B4GALT6: variants seen among roughly 807,000 people sequenced by gnomAD.
B4GALT6 encodes UDP-Gal:beta-GlcNAc beta-1,4-galactosyltransferase 6.
A neutral mutation model predicts 46.3 loss-of-function variants in B4GALT6; 14 were observed. That is an observed-to-expected ratio of 0.30 (90% CI 0.20 to 0.47). The LOEUF (loss-of-function observed/expected upper bound fraction) is 0.47. B4GALT6 is among the 20% of genes least tolerant of loss of function. The pLI is 0.99. For synonymous variants in B4GALT6, 168 were observed against 162.0 expected (o/e 1.04, Z -0.28); for missense variants, 386 against 480.1 (o/e 0.80, Z 1.83).
chr18:31,683,760 T>C (rs1159035522), intron 1 of B4GALT6, among the ~76,000 whole-genome samples: 1 of 152,108 alleles, frequency 6.6e-6, no homozygotes, highest in Admixed American at 6.5e-5. Flanking sequence ...GGAGCATTGT[T>C]TTTACAAGAC....
rs577028925 is a variant in B4GALT6, at chr18:31,626,070, T to C, written c.1001+213A>G. 7.2e-5 allele frequency among the ~76,000 whole-genome samples: 11 copies of C among 151,922 alleles called. No homozygotes were observed. In the South Asian group the frequency reaches 2.3e-3, roughly 31 times the overall value. The stretch of plus-strand genomic sequence containing the variant: ...TTAACCGGGCTCTTTAACGTAAATA[T>C]GTGTATTTATTAATGTATATATACG... On this transcript the variant is annotated intron_variant, in intron 8 of 8. Transcript: ENST00000306851.
At chr18:31,660,894 AG>A (rs1423488373) in intron 2 of B4GALT6, among the ~76,000 whole-genome samples, 2 of 152,202 alleles carry the variant, frequency 1.3e-5, no homozygotes, top group Middle Eastern at 3.2e-3. Flanking sequence ...AAAAGTCTCC[AG>A]AAAAAACTGG....
the B4GALT6 span, chr18:31,724,271 G>T: frequency 2.6e-6 from 1 of 388,836 alleles, no homozygotes; most frequent in South Asian, 2.7e-5. Flanking sequence ...TCTTGTCCCG[G>T]CTGCGTCTCT....
intron 2 of B4GALT6, among the ~76,000 whole-genome samples, chr18:31,658,627 A>G (rs1472016716): frequency 6.6e-6 from 1 of 152,098 alleles, no homozygotes; most frequent in Non-Finnish European, 1.5e-5. Context: ...GCCCCGGGGG[A>G]GCCCTGGAGC....
intron 3 of B4GALT6, among the ~76,000 whole-genome samples, chr18:31,652,958 T>G (rs764951717): frequency 5.3e-5 from 8 of 152,102 alleles, no homozygotes; most frequent in South Asian, 2.1e-4. Context: ...ATCATTCACC[T>G]GCCTAAAGCC....
At chr18:31,680,521 GAA>G (rs1460117255) in intron 1 of B4GALT6, among the ~76,000 whole-genome samples, 1 of 152,118 alleles carries the variant, frequency 6.6e-6, no homozygotes, top group Non-Finnish European at 1.5e-5. Context: ...GGGCCCAGAG[GAA>G]GTCAGACCAA....
At chr18:31,634,225 G>A (rs1291578912) in intron 5 of B4GALT6, among the ~76,000 whole-genome samples, 1 of 152,182 alleles carries the variant, frequency 6.6e-6, no homozygotes, top group Non-Finnish European at 1.5e-5. Context: ...CCACACAGGT[G>A]CGTCAGCACT....
intron 1 of B4GALT6, among the ~76,000 whole-genome samples, chr18:31,671,446 G>A (rs992048969): frequency 2.6e-5 from 4 of 152,154 alleles, no homozygotes; most frequent in Non-Finnish European, 5.9e-5. Context: ...ACTGTAACTG[G>A]CATGAGATGG....
Position 31,673,902 on chromosome 18 carries a change from T to C in B4GALT6, c.116-7530A>G, listed in dbSNP as rs191408925. The stretch of plus-strand genomic sequence containing the variant: ...GGCAAGTACTCTTCTAAGAGAAAGG[T>C]AGAGATTTCACACACTCTCACAGAC... On this transcript the variant is annotated intron_variant, in intron 1 of 8. Transcript: ENST00000306851. Among the ~76,000 whole-genome samples, 308 of 151,910 alleles carry C rather than the reference T, an allele frequency of 2.0e-3. 3 individuals carry two copies. The highest frequency in any genetic ancestry group is 0.014 in the Middle Eastern group (4 of 294).
At chr18:31,661,190 C>A (rs1407112403) in intron 2 of B4GALT6, among the ~76,000 whole-genome samples, 2 of 152,030 alleles carry the variant, frequency 1.3e-5, no homozygotes, top group East Asian at 3.9e-4. Flanking sequence ...TCAACAATAC[C>A]GATTTGAATT....
chr18:31,656,188 C>A (rs1287171683), intron 3 of B4GALT6, among the ~76,000 whole-genome samples: 2 of 152,014 alleles, frequency 1.3e-5, no homozygotes, highest in African/African-American at 4.8e-5. Context: ...TATATAATAT[C>A]TATCAACAAT....
At chr18:31,645,890 A>G (rs1276041380) in intron 3 of B4GALT6, among the ~76,000 whole-genome samples, 2 of 152,222 alleles carry the variant, frequency 1.3e-5, no homozygotes, top group Non-Finnish European at 2.9e-5. Flanking sequence ...TAACAATGAA[A>G]TAAGCAGTCA....
chr18:31,712,664 G>A, the B4GALT6 span, among the ~76,000 whole-genome samples: 11 of 152,138 alleles, frequency 7.2e-5, no homozygotes, highest in Admixed American at 7.2e-4. Context: ...GTATCTTTTA[G>A]CAAGAACACT....
chr18:31,684,219 G>A (rs1449081), intron 1 of B4GALT6, 93 bp downstream of exon 1: 1,402,739 of 1,577,488 alleles, frequency 0.89, 624,460 homozygotes, highest in Non-Finnish European at 0.9. Context: ...GCCCCTGTTT[G>A]AACAGCTTCC....
intron 1 of B4GALT6, among the ~76,000 whole-genome samples, chr18:31,682,471 C>G (rs753211236): frequency 3.9e-5 from 6 of 152,136 alleles, no homozygotes; most frequent in Non-Finnish European, 7.4e-5. Flanking sequence ...TAATTGCCTA[C>G]AAGACACGTG....
upstream of B4GALT6, among the ~76,000 whole-genome samples, chr18:31,685,300 G>C (rs1297218393): frequency 1.8e-5 from 2 of 113,590 alleles, no homozygotes; most frequent in Non-Finnish European, 4.4e-5. Context: ...GGCGACGCGC[G>C]CTGCGGGCAG....
At chr18:31,631,180 A>T in intron 5 of B4GALT6, 34 bp from the exon 6 acceptor site, 2 of 1,524,774 alleles carry the variant, frequency 1.3e-6, no homozygotes, top group Admixed American at 2.1e-5. Flanking sequence ...AAAAATAGAA[A>T]TGTACTCACA....
At chr18:31,638,795 A>G (rs747726560) in intron 4 of B4GALT6, 35 bp from the exon 5 acceptor site, 3 of 1,482,226 alleles carry the variant, frequency 2.0e-6, no homozygotes, top group African/African-American at 1.4e-5. Flanking sequence ...GTAAATAAAT[A>G]TATCTACCAC....
intron 1 of B4GALT6, among the ~76,000 whole-genome samples, chr18:31,668,137 G>T (rs185611400): frequency 1.3e-5 from 2 of 150,844 alleles, no homozygotes; most frequent in Non-Finnish European, 3.0e-5. Flanking sequence ...TCATAAAAAA[G>T]AACAAAATCA....
Sources: allele counts gnomAD v4.1 joint callset (sites outside exome capture counted in the v4.1 genomes callset), GRCh38; gene constraint gnomAD v4.1.1; transcripts MANE v1.5; gene names NCBI Gene and HGNC (gene_info 2026-07-23, HGNC 2026-07-21).